Variants in PPM1L observed in about 807,000 individuals in gnomAD.
The protein encoded by PPM1L is protein phosphatase, Mg2+/Mn2+ dependent 1L.
PPM1L carries 13 observed loss-of-function variants against 31.4 expected under a neutral mutation model. That is an observed-to-expected ratio of 0.41 (90% confidence interval 0.27 to 0.66). PPM1L has a LOEUF of 0.66. PPM1L is among the 30% of genes least tolerant of loss of function. The probability of loss-of-function intolerance (pLI) is 0.29; values close to 1 mark genes in which losing one functional copy is unlikely to be tolerated. For synonymous variants in PPM1L, 184 were observed against 175.4 expected, an observed-to-expected ratio of 1.05 and a Z score of -0.39; for missense variants, 326 against 453.7, an observed-to-expected ratio of 0.72 and a Z score of 2.56.
chr3:160,765,997 A>C (rs12486979), intron 1 of PPM1L, among the ~76,000 whole-genome samples: 82,681 of 151,978 alleles, frequency 0.54, 25,940 homozygotes, highest in African/African-American at 0.87. Flanking sequence ...TCTTAGCCAA[A>C]CTTAAGTCAA....
chr3:160,772,307 G>A (rs1284958935), intron 1 of PPM1L, among the ~76,000 whole-genome samples: 2 of 152,180 alleles, frequency 1.3e-5, no homozygotes, highest in Non-Finnish European at 2.9e-5. Flanking sequence ...AACAGTACAG[G>A]CAGGAGCATA....
At chr3:160,993,597 A>G (rs902326989) in intron 2 of PPM1L, among the ~76,000 whole-genome samples, 3 of 152,090 alleles carry the variant, frequency 2.0e-5, no homozygotes, top group Non-Finnish European at 4.4e-5. Context: ...GCTTTATAGA[A>G]CTAGTTCATG....
At chr3:161,044,107 T>G (rs1718987705) in intron 2 of PPM1L, among the ~76,000 whole-genome samples, 1 of 152,162 alleles carries the variant, frequency 6.6e-6, no homozygotes, top group Non-Finnish European at 1.5e-5. Flanking sequence ...TGGTGCGATT[T>G]TGGTTCACTG....
At chr3:160,826,791 A>G (rs2108094620) in intron 1 of PPM1L, among the ~76,000 whole-genome samples, 1 of 152,316 alleles carries the variant, frequency 6.6e-6, no homozygotes, top group East Asian at 1.9e-4. Flanking sequence ...CAGCATTGCA[A>G]AATTTGACTT....
chr3:160,947,533 C>T (rs1381140454), intron 1 of PPM1L, among the ~76,000 whole-genome samples: 1 of 152,080 alleles, frequency 6.6e-6, no homozygotes, highest in Admixed American at 6.6e-5. Context: ...CCTCCTTCAC[C>T]CCCAACCAGG....
intron 2 of PPM1L, among the ~76,000 whole-genome samples, chr3:160,984,139 T>C (rs912982489): frequency 3.3e-5 from 5 of 152,196 alleles, no homozygotes; most frequent in Non-Finnish European, 5.9e-5. Flanking sequence ...CTAGCAAGCC[T>C]TGGGGCACTG....
chr3:160,922,860 G>T (rs545217645), intron 1 of PPM1L, among the ~76,000 whole-genome samples: 7 of 152,172 alleles, frequency 4.6e-5, no homozygotes, highest in African/African-American at 1.7e-4. Context: ...ACAGACATGG[G>T]TTCTCTTCTC....
intron 2 of PPM1L, among the ~76,000 whole-genome samples, chr3:161,050,044 T>C (rs911236919): frequency 1.2e-4 from 18 of 152,212 alleles, no homozygotes; most frequent in Admixed American, 9.8e-4. Context: ...CCATGTGGTA[T>C]GGTGGTGTCA....
intron 2 of PPM1L, among the ~76,000 whole-genome samples, chr3:161,053,632 G>A (rs1719334771): frequency 1.3e-5 from 2 of 152,162 alleles, no homozygotes; most frequent in African/African-American, 4.8e-5. Context: ...GTCAGATTCT[G>A]AAAGTTGAAT....
intron 2 of PPM1L, among the ~76,000 whole-genome samples, chr3:161,002,215 AT>A (rs1436689900): frequency 6.6e-6 from 1 of 152,078 alleles, no homozygotes; most frequent in East Asian, 1.9e-4. Flanking sequence ...TATGTGCCAC[AT>A]TTTCTTAATC....
At chr3:160,991,680 G>A (rs1405438212) in intron 2 of PPM1L, among the ~76,000 whole-genome samples, 1 of 152,080 alleles carries the variant, frequency 6.6e-6, no homozygotes. Flanking sequence ...GGCCTTAACT[G>A]TATTCCTAAC....
At chr3:160,803,121 A>G (rs1576644561) in intron 1 of PPM1L, among the ~76,000 whole-genome samples, 1 of 152,234 alleles carries the variant, frequency 6.6e-6, no homozygotes, top group South Asian at 2.1e-4. Context: ...AAATATGCAT[A>G]AGGGACATTT....
chr3:160,881,141 A>G (rs1470643426), intron 1 of PPM1L, among the ~76,000 whole-genome samples: 1 of 152,248 alleles, frequency 6.6e-6, no homozygotes, highest in Non-Finnish European at 1.5e-5. Flanking sequence ...ATATCATTGC[A>G]TACCTATATT....
intron 2 of PPM1L, among the ~76,000 whole-genome samples, chr3:161,018,628 TGTA>T (rs1235306376): frequency 6.6e-6 from 1 of 152,210 alleles, no homozygotes; most frequent in Non-Finnish European, 1.5e-5. Context: ...TATTTTTTCT[TGTA>T]GTATAAATAT....
rs566063759 is a variant in PPM1L, at chr3:161,031,508, T to TTTTTTTTC, written c.575-33888_575-33887insCTTTTTTT. ...GGCAGCTATGTATTCTGTCCTTTTT[T>TTTTTTTTC]TTTTTTTTTTGAGAGAGAGTCTCAC... On this transcript the variant is annotated intron_variant, in intron 2 of 3. Transcript: ENST00000498165. Among the ~76,000 whole-genome samples the TTTTTTTTC allele has an allele frequency of 1.1e-4, 16 of 142,408 alleles. No individual in the cohort carries two copies. In the South Asian group the frequency reaches 3.9e-3, roughly 35 times the overall value. 93.4% of individuals were successfully genotyped at this position (142,408 alleles called of 152,430 possible). A position where few individuals can be genotyped will look rare whatever the true frequency, so the allele number is the denominator to read the frequency against.
intron 2 of PPM1L, among the ~76,000 whole-genome samples, chr3:160,999,991 ACT>A (rs1384183249): frequency 2.6e-5 from 4 of 152,040 alleles, no homozygotes; most frequent in Non-Finnish European, 5.9e-5. Context: ...CCCTCCCAAG[ACT>A]CTGAGATACT....
chr3:161,036,946 T>C (rs1366120040), intron 2 of PPM1L, among the ~76,000 whole-genome samples: 1 of 152,218 alleles, frequency 6.6e-6, no homozygotes, highest in Non-Finnish European at 1.5e-5. Flanking sequence ...CATTTTTGAA[T>C]CGTAAAAAAG....
chr3:161,041,112 T>A (rs1367074770), intron 2 of PPM1L, among the ~76,000 whole-genome samples: 4 of 152,136 alleles, frequency 2.6e-5, no homozygotes, highest in African/African-American at 9.7e-5. Context: ...GCCTCCACAA[T>A]CTTTTATCTT....
intron 1 of PPM1L, among the ~76,000 whole-genome samples, chr3:160,924,814 G>A (rs183801101): frequency 1.3e-5 from 2 of 152,234 alleles, no homozygotes; most frequent in East Asian, 1.9e-4. Flanking sequence ...GTCAGTTATG[G>A]TACTTTTGCA....
Sources: allele counts gnomAD v4.1 joint callset (sites outside exome capture counted in the v4.1 genomes callset), GRCh38; gene constraint gnomAD v4.1.1; transcripts MANE v1.5; gene names NCBI Gene and HGNC (gene_info 2026-07-23, HGNC 2026-07-21).